Variants in TNS2 observed in about 807,000 individuals in gnomAD.
The protein encoded by TNS2 is tensin 2, also known as tensin-2.
Under a neutral mutation model 155.7 loss-of-function variants are expected in TNS2, and 77 were observed. The ratio of observed to expected loss-of-function variants is 0.49; its 90% confidence interval spans 0.41 to 0.60. TNS2 has a LOEUF of 0.60. Ranked by LOEUF, TNS2 falls within the 20% of genes least tolerant of loss-of-function variation. The pLI, the probability that TNS2 is intolerant of heterozygous loss-of-function variation, is 0.00. For missense variants in TNS2, 1,703 were observed against 1,868.8 expected (o/e 0.91, Z 1.64); for synonymous variants, 726 against 763.9 (o/e 0.95, Z 0.82).
chr12:53,056,797 T>C, intron 10 of TNS2: 2 of 492,068 alleles, frequency 4.1e-6, no homozygotes, highest in East Asian at 6.5e-5. Context: ...TTGCCCTGTT[T>C]TACAGATGAA....
In TNS2 at chr12:53,063,102, C is replaced by A. The variant is rs1333398901; in HGVS notation, c.3837C>A (p.Leu1279=). ...LLRQGAACSV[L]YLTSVETESL... ...CTGCCCCTGTAGCCTGCAGCGTGCT[C>A]TACTTGACCTCAGTGGAGACAGAGT... Residue 1279 remains leucine, a synonymous_variant, in exon 26 of 29, where the codon CTC becomes CTA. Coordinates refer to ENST00000314250, the MANE Select transcript of TNS2 (RefSeq NM_170754.4). The surrounding 1 kb of genome is among the most constrained non-coding windows in gnomAD (Gnocchi z 5.6). 6.4e-7 allele frequency: 1 copy of A among 1,562,052 alleles called. No homozygotes were observed. The highest frequency in any genetic ancestry group is 8.6e-7 in the Non-Finnish European group (1 of 1,156,194).
chr12:53,052,999 T>TC, intron 3 of TNS2: 1 of 311,552 alleles, frequency 3.2e-6, no homozygotes, highest in Non-Finnish European at 6.2e-6. Flanking sequence ...TCTGAAGAGG[T>TC]CCCCTGGTCC....
Position 53,059,141 on chromosome 12 carries a change from G to A in TNS2, c.1500G>A (p.Glu500=). 3 of 1,594,524 alleles carry A rather than the reference G, an allele frequency of 1.9e-6. No homozygotes were observed. Among genetic ancestry groups the A allele is most frequent in the Non-Finnish European group, 2.6e-6 (3 of 1,173,978 alleles). The part of the protein sequence containing the change: ...PRQTPPAPSP[E]PPPPPMLSVS... ...AGACCCCCCCGGCACCCTCTCCAGA[G>A]CCTCCACCACCCCCCATGCTCTCTG... Residue 500 remains glutamate (E), a synonymous_variant, in exon 18 of 29, where the codon GAG becomes GAA. Coordinates refer to ENST00000314250, the MANE Select transcript of TNS2 (RefSeq NM_170754.4). This position sits in a 1 kb window ranked among gnomAD's most constrained non-coding sequence, Gnocchi z 4.7.
chr12:53,053,371 C>T (rs1944012463), intron 3 of TNS2, 40 bp from the exon 4 acceptor site: 1 of 1,613,492 alleles, frequency 6.2e-7, no homozygotes, highest in African/African-American at 1.3e-5. Flanking sequence ...CACGAGAGCC[C>T]TTCACCAGGA....
chr12:53,054,594 G>A (rs773460702), intron 7 of TNS2, among the ~76,000 whole-genome samples, 153 bp downstream of exon 7: 30 of 152,390 alleles, frequency 2.0e-4, no homozygotes, highest in Non-Finnish European at 4.4e-4. Context: ...GCGGCCTGGA[G>A]CGGAGCGGAG....
chr12:53,055,249 T>C lies in TNS2; in HGVS notation c.573+13T>C. On this transcript the variant is annotated intron_variant, in intron 8 of 28. Coordinates refer to ENST00000314250, the MANE Select transcript of TNS2 (RefSeq NM_170754.4). ...CTTAAACCCCAAGGTATGAAGGAAA[T>C]GGCCTGCCCAACCATTAAACCAAGC... 6.2e-7 allele frequency: 1 copy of C among 1,613,742 alleles called. No homozygotes were observed. The highest frequency in any genetic ancestry group is 8.5e-7 in the Non-Finnish European group (1 of 1,179,838).
chr12:53,061,552 C>T, intron 21 of TNS2, 83 bp downstream of exon 21: 1 of 1,465,928 alleles, frequency 6.8e-7, no homozygotes, highest in Non-Finnish European at 9.5e-7. Context: ...CCTGTTGAAG[C>T]TCTTGGCTCC....
Position 53,063,861 on chromosome 12 carries a change from T to C in TNS2, c.4209T>C (p.Val1403=), listed in dbSNP as rs923127822. ...AGAIVTFITK[V]LLGQRK ...CCATTGTCACCTTCATCACCAAAGT[T>C]CTACTGGGCCAGAGAAAATGAAGGA... is the stretch of plus-strand genomic sequence containing the variant. Residue 1403 remains valine (V), a synonymous_variant, in exon 29 of 29, where the codon GTT becomes GTC. Coordinates refer to ENST00000314250, the MANE Select transcript of TNS2 (RefSeq NM_170754.4). The surrounding 1 kb of genome is among the most constrained non-coding windows in gnomAD (Gnocchi z 5.6). The C allele has an allele frequency of 1.9e-6, 3 of 1,613,922 alleles. No homozygotes were observed. The highest frequency in any genetic ancestry group is 2.5e-6 in the Non-Finnish European group (3 of 1,180,014).
intron 1 of TNS2, 65 bp from the exon 2 acceptor site, chr12:53,051,790 C>A: frequency 7.7e-7 from 1 of 1,301,292 alleles, no homozygotes; most frequent in Non-Finnish European, 1.1e-6. Context: ...AGGCTCCTGC[C>A]CAGTCCCGGA....
At chr12:53,054,567 G>A (rs1469512037) in intron 7 of TNS2, 126 bp downstream of exon 7, 4 of 1,223,752 alleles carry the variant, frequency 3.3e-6, no homozygotes, top group African/African-American at 3.1e-5. Context: ...TGGTGGGGTG[G>A]GGGCGGGGCC....
rs778827736 is a variant in TNS2, at chr12:53,051,822, A to T, written c.76-33A>T. On this transcript the variant is annotated intron_variant, in intron 1 of 28. Coordinates refer to ENST00000314250, the MANE Select transcript of TNS2 (RefSeq NM_170754.4). ...CGGAGATGGAGATGGGCCCACTGGG[A>T]ACTCACACCTCTGTTTGTCCCTCCA... 84 of 1,562,698 alleles carry T rather than the reference A, an allele frequency of 5.4e-5. No homozygotes were observed. The South Asian group carries it at 9.6e-4, about 18-fold the overall frequency.
chr12:53,059,154 C>T lies in TNS2; in HGVS notation c.1513C>T (p.Pro505Ser), dbSNP rs755492418. 1 of 1,599,740 alleles carries T rather than the reference C, an allele frequency of 6.3e-7. No individual in the cohort carries two copies. Among genetic ancestry groups the T allele is most frequent in the Non-Finnish European group, 8.5e-7 (1 of 1,176,750 alleles). Residue 505 changes from proline to serine, a missense_variant, in exon 18 of 29, where the codon CCC becomes TCC. Physicochemically the swap from Pro to Ser is moderately conservative, Grantham distance 74. Coordinates refer to ENST00000314250, the MANE Select transcript of TNS2 (RefSeq NM_170754.4). The surrounding 1 kb of genome is among the most constrained non-coding windows in gnomAD (Gnocchi z 4.7). ...ACCCTCTCCAGAGCCTCCACCACCC[C>T]CCATGCTCTCTGTCAGCAGCGACTC... ...PAPSPEPPPPPMLSVSSDSGH... is the reference protein window; with the variant it reads ...PAPSPEPPPPSMLSVSSDSGH...
Position 53,063,068 on chromosome 12 carries a change from A to AACCACTCCCTGC in TNS2, c.3824-21_3824-20insACCACTCCCTGC. The AACCACTCCCTGC allele has an allele frequency of 6.6e-7, 1 of 1,515,230 alleles. No homozygotes were observed. The highest frequency in any genetic ancestry group is 1.4e-5 in the African/African-American group (1 of 71,846). 93.9% of individuals were successfully genotyped at this position (1,515,230 alleles called of 1,614,324 possible). On this transcript the variant is annotated intron_variant, in intron 25 of 28. Transcript: ENST00000314250. The surrounding 1 kb of genome is among the most constrained non-coding windows in gnomAD (Gnocchi z 5.6). Reference sequence around the variant, plus strand: ...CTAGGGGATGGGCACTCCCTCCCTGACCCACTCCCTGCCCCTGTAGCCTGC... The same window carrying AACCACTCCCTGC: ...CTAGGGGATGGGCACTCCCTCCCTGAACCACTCCCTGCCCCACTCCCTGCCCCTGTAGCCTGC...
rs936827633 is a variant in TNS2, at chr12:53,061,081, C to T, written c.3175C>T (p.Leu1059=). ...PQSSPTPAFP[L]AASYDTNGLS... Reference sequence around the variant, plus strand: ...GAGCTCACCTACACCTGCTTTCCCCCTGGCTGCCTCCTATGACACCAATGG... The same window carrying T: ...GAGCTCACCTACACCTGCTTTCCCCTTGGCTGCCTCCTATGACACCAATGG... Residue 1059 remains leucine (L), a synonymous_variant, in exon 20 of 29, where the codon CTG becomes TTG. Coordinates refer to ENST00000314250, the MANE Select transcript of TNS2 (RefSeq NM_170754.4). The T allele has an allele frequency of 8.1e-6, 13 of 1,611,936 alleles. No homozygotes were observed. Among genetic ancestry groups the T allele is most frequent in the Non-Finnish European group, 8.5e-6 (10 of 1,179,008 alleles).
chr12:53,059,779 C>T lies in TNS2; in HGVS notation c.2138C>T (p.Ala713Val). 1.4e-5 allele frequency: 22 copies of T among 1,612,296 alleles called. No individual in the cohort carries two copies. Among genetic ancestry groups the T allele is most frequent in the Non-Finnish European group, 1.9e-5 (22 of 1,179,522 alleles). ...ALYGLRLERE[A>V]GEGWASEAGK... Reference sequence around the variant, plus strand: ...TATGGACTGCGGCTGGAGAGGGAGGCTGGAGAAGGGTGGGCAAGTGAGGCT... The same window carrying T: ...TATGGACTGCGGCTGGAGAGGGAGGTTGGAGAAGGGTGGGCAAGTGAGGCT... Residue 713 changes from alanine to valine, a missense_variant, in exon 18 of 29, where the codon GCT becomes GTT. Transcript: ENST00000314250. The surrounding 1 kb of genome is among the most constrained non-coding windows in gnomAD (Gnocchi z 4.7).
At chr12:53,062,539 C>T (rs1273625609) in intron 24 of TNS2, 81 bp from the exon 25 acceptor site, 23 of 1,608,072 alleles carry the variant, frequency 1.4e-5, no homozygotes, top group Non-Finnish European at 1.7e-5. Context: ...CCCCGCCTTC[C>T]CTTGGGGAAG....
In TNS2 at chr12:53,058,826, T is replaced by C; in HGVS notation, c.1404T>C (p.Asp468=). The change falls in exon 17 of 29, where the codon GAT becomes GAC. Residue 468 remains aspartate (D), a splice_region_variant and synonymous_variant. Transcript: ENST00000314250. ...NFNQHHEDSV[D]GSLTHTRGPL... is the part of the protein sequence containing the mutation. ...ACCAGCACCACGAGGACAGTGTGGA[T>C]GGTGCGCAGGCAGCCTGCAGGGTGG... 6.2e-7 allele frequency: 1 copy of C among 1,613,172 alleles called. No homozygotes were observed. Among genetic ancestry groups the C allele is most frequent in the Non-Finnish European group, 8.5e-7 (1 of 1,179,916 alleles).
rs181818749 is a variant in TNS2 at position 53,059,234 on chromosome 12, G to C, written c.1593G>C (p.Pro531=). The C allele has an allele frequency of 1.4e-5, 21 of 1,533,290 alleles. No individual in the cohort carries two copies. The highest frequency in any genetic ancestry group is 1.8e-5 in the Non-Finnish European group (21 of 1,150,536). The allele number at this position is 1,533,290 out of a possible 1,614,324, so 95.0% of individuals were successfully genotyped here. A position where few individuals can be genotyped will look rare whatever the true frequency, so the allele number is the denominator to read the frequency against. The change falls in exon 18 of 29, where the codon CCG becomes CCC. Residue 531 remains proline, a synonymous_variant. Transcript: ENST00000314250. This position sits in a 1 kb window ranked among gnomAD's most constrained non-coding sequence, Gnocchi z 4.7. ...CGGCTGCTGAGTCCCCTGGCCGGCCGCCCCCTACAGCTGCTGAACGGCAGG... is the reference window on the plus strand; with the variant it reads ...CGGCTGCTGAGTCCCCTGGCCGGCCCCCCCCTACAGCTGCTGAACGGCAGG... ...TEPAAESPGR[P]PPTAAERQEL...
chr12:53,053,245 AG>A (rs1944007610), intron 3 of TNS2, 165 bp from the exon 4 acceptor site: 11 of 749,878 alleles, frequency 1.5e-5, no homozygotes, highest in South Asian at 1.5e-5. Context: ...TGGGGGACCA[AG>A]AGGCCAGAGG....
Sources: gnomAD v4.1 joint callset for allele counts (sites outside exome capture counted in the v4.1 genomes callset) on GRCh38, gnomAD v4.1.1 for gene constraint, Gnocchi (gnomAD v3.1) non-coding constraint, MANE v1.5 for transcripts, NCBI Gene and HGNC (gene_info 2026-07-23, HGNC 2026-07-21) for gene names.